MAP3K5: variants seen among roughly 807,000 people sequenced by gnomAD.
MAP3K5 encodes mitogen-activated protein kinase kinase kinase 5, also known as ASK-1.
MAP3K5 carries 56 observed loss-of-function variants against 158.7 expected under a neutral mutation model. The observed-to-expected ratio is 0.35, with a 90% CI of 0.28 to 0.44. The LOEUF (loss-of-function observed/expected upper bound fraction) is 0.44, where lower values mean the gene tolerates loss of function less well. Among genes scored for constraint, MAP3K5 ranks in the 20% least tolerant of loss-of-function variants. MAP3K5 has a pLI of 1.00. For missense variants in MAP3K5, 1,294 were observed against 1,674.8 expected (o/e 0.77, Z 3.97); for synonymous variants, 579 against 601.7 (o/e 0.96, Z 0.55).
chr6:136,725,058 C>CT (rs1369917987), intron 1 of MAP3K5, among the ~76,000 whole-genome samples: 1 of 152,188 alleles, frequency 6.6e-6, no homozygotes, highest in Non-Finnish European at 1.5e-5. Context: ...GGTTTGGCTT[C>CT]TTTGACTTAG....
intron 24 of MAP3K5, among the ~76,000 whole-genome samples, chr6:136,582,395 G>A (rs1303271216): frequency 6.6e-6 from 1 of 152,156 alleles, no homozygotes; most frequent in African/African-American, 2.4e-5. Context: ...CTCTAGGCTA[G>A]AGGCCAAATG....
intron 7 of MAP3K5, among the ~76,000 whole-genome samples, chr6:136,679,988 T>C (rs1779862226): frequency 6.6e-6 from 1 of 151,914 alleles, no homozygotes; most frequent in Non-Finnish European, 1.5e-5. Flanking sequence ...GGAAGAAAAT[T>C]CAGACATATG....
At chr6:136,605,173 T>C in intron 19 of MAP3K5, 36 bp downstream of exon 19, 1 of 1,601,346 alleles carries the variant, frequency 6.2e-7, no homozygotes. Context: ...TATAAAAAGC[T>C]TTATCCATTT....
intron 1 of MAP3K5, among the ~76,000 whole-genome samples, chr6:136,732,675 C>T (rs183929946): frequency 3.1e-4 from 47 of 152,276 alleles, no homozygotes; most frequent in South Asian, 1.5e-3. Flanking sequence ...CATGTCGTGA[C>T]GCCAATTTGT....
chr6:136,654,339 T>C (rs1201491910), intron 10 of MAP3K5, among the ~76,000 whole-genome samples: 4 of 152,250 alleles, frequency 2.6e-5, no homozygotes, highest in African/African-American at 9.6e-5. Flanking sequence ...TTGAGTCCAA[T>C]GGGCAAAAAA....
chr6:136,616,878 A>C (rs937216885), intron 15 of MAP3K5, among the ~76,000 whole-genome samples: 2 of 151,538 alleles, frequency 1.3e-5, no homozygotes, highest in African/African-American at 4.9e-5. Context: ...ACAGGCATGC[A>C]CCACCATGCC....
chr6:136,599,464 C>T (rs1208210330), intron 21 of MAP3K5, among the ~76,000 whole-genome samples: 1 of 150,662 alleles, frequency 6.6e-6, no homozygotes, highest in Non-Finnish European at 1.5e-5. Flanking sequence ...ATAGAACTGT[C>T]CACTTAAAGG....
chr6:136,627,058 T>C (rs1777071362), intron 14 of MAP3K5, among the ~76,000 whole-genome samples: 2 of 152,248 alleles, frequency 1.3e-5, no homozygotes, highest in African/African-American at 4.8e-5. Flanking sequence ...ATATTGTTAA[T>C]ATCCATGGAA....
chr6:136,592,041 TGGGGTAGG>T, intron 23 of MAP3K5, 124 bp downstream of exon 23: 1 of 655,586 alleles, frequency 1.5e-6, no homozygotes, highest in Non-Finnish European at 2.4e-6. Flanking sequence ...TTTTTTCCTG[TGGGGTAGG>T]TTTATCATGA....
At chr6:136,589,361 C>G (rs1775282628) in intron 23 of MAP3K5, among the ~76,000 whole-genome samples, 1 of 152,088 alleles carries the variant, frequency 6.6e-6, no homozygotes, top group African/African-American at 2.4e-5. Flanking sequence ...TTCCCAGTAC[C>G]CATTGAACTA....
At chr6:136,701,810 T>C (rs186494648) in intron 3 of MAP3K5, among the ~76,000 whole-genome samples, 1 of 152,266 alleles carries the variant, frequency 6.6e-6, no homozygotes, top group Admixed American at 6.5e-5. Context: ...AAAAAGCCAA[T>C]AAAGCAGAAA....
chr6:136,669,397 T>A lies in MAP3K5; in HGVS notation c.1254-2A>T. The A allele has an allele frequency of 6.5e-7, 1 of 1,549,750 alleles. No homozygotes were observed. Among genetic ancestry groups the A allele is most frequent in the Non-Finnish European group, 8.9e-7 (1 of 1,122,966 alleles). On this transcript the variant is annotated splice_acceptor_variant, in intron 7 of 29. Coordinates refer to ENST00000359015, the MANE Select transcript of MAP3K5 (RefSeq NM_005923.4). LOFTEE classifies it high-confidence loss of function. ...TCAGATTCAAATGCCTTTTTGAACC[T>A]ATAAAAAACCACAAATGTACAAGTT... is the stretch of plus-strand genomic sequence containing the variant.
At chr6:136,597,624 G>A (rs1203022181) in intron 21 of MAP3K5, among the ~76,000 whole-genome samples, 1 of 152,144 alleles carries the variant, frequency 6.6e-6, no homozygotes, top group Non-Finnish European at 1.5e-5. Context: ...TTCTGAGAAG[G>A]GCCAGGCATT....
At chr6:136,670,321 C>A (rs1779427790) in intron 7 of MAP3K5, among the ~76,000 whole-genome samples, 1 of 151,984 alleles carries the variant, frequency 6.6e-6, no homozygotes. Flanking sequence ...TATAATTTCA[C>A]TTAGGTATAT....
chr6:136,630,966 G>T (rs1777319857), intron 14 of MAP3K5, among the ~76,000 whole-genome samples: 1 of 152,114 alleles, frequency 6.6e-6, no homozygotes, highest in South Asian at 2.1e-4. Flanking sequence ...CAGGCATGGT[G>T]GTGCACACCT....
intron 7 of MAP3K5, among the ~76,000 whole-genome samples, chr6:136,675,983 A>G (rs1779687069): frequency 6.6e-6 from 1 of 152,244 alleles, no homozygotes; most frequent in East Asian, 1.9e-4. Flanking sequence ...CTTTATGCCA[A>G]TAAATATAAC....
At chr6:136,675,444 G>C (rs1436406669) in intron 7 of MAP3K5, among the ~76,000 whole-genome samples, 1 of 151,998 alleles carries the variant, frequency 6.6e-6, no homozygotes, top group East Asian at 1.9e-4. Context: ...TGAAAAATGT[G>C]TTCTCTCACC....
chr6:136,703,447 T>C (rs17065595), intron 3 of MAP3K5, among the ~76,000 whole-genome samples: 2,924 of 152,324 alleles, frequency 0.019, 97 homozygotes, highest in African/African-American at 0.067. Context: ...GCTGATTTTC[T>C]ACCAATTAGA....
chr6:136,586,691 G>A (rs1218959492), intron 23 of MAP3K5, among the ~76,000 whole-genome samples: 2 of 152,136 alleles, frequency 1.3e-5, no homozygotes, highest in African/African-American at 4.8e-5. Context: ...ATTGATCCTG[G>A]GTGTGTCTGT....
Sources: gnomAD v4.1 joint callset for allele counts (sites outside exome capture counted in the v4.1 genomes callset) on GRCh38, gnomAD v4.1.1 for gene constraint, MANE v1.5 for transcripts, NCBI Gene and HGNC (gene_info 2026-07-23, HGNC 2026-07-21) for gene names.